TXLNB: variants seen among roughly 807,000 people sequenced by gnomAD.
TXLNB encodes taxilin beta.
Under a neutral mutation model 57.4 loss-of-function variants are expected in TXLNB, and 37 were observed. The ratio of observed to expected loss-of-function variants is 0.64; its 90% confidence interval spans 0.50 to 0.85. TXLNB has a LOEUF of 0.85. Ranked by LOEUF, TXLNB falls within the 40% of genes least tolerant of loss-of-function variation. The pLI, the probability that TXLNB is intolerant of heterozygous loss-of-function variation, is 0.00. For synonymous variants in TXLNB, 302 were observed against 309.6 expected, an observed-to-expected ratio of 0.98 and a Z score of 0.26; for missense variants, 848 against 825.6, an observed-to-expected ratio of 1.03 and a Z score of -0.33.
intron 2 of TXLNB, among the ~76,000 whole-genome samples, chr6:139,286,033 T>C (rs1182578926): frequency 1.3e-5 from 2 of 151,998 alleles, no homozygotes; most frequent in African/African-American, 4.8e-5. Flanking sequence ...AGTGGCCTTG[T>C]CATATTTGTA....
chr6:139,247,202 G>A (rs1359988249), intron 8 of TXLNB, among the ~76,000 whole-genome samples: 1 of 152,064 alleles, frequency 6.6e-6, no homozygotes, highest in Non-Finnish European at 1.5e-5. Context: ...GAGTGCAGTG[G>A]CGTGATCTCA....
intron 2 of TXLNB, among the ~76,000 whole-genome samples, chr6:139,278,219 T>C (rs1776950530): frequency 6.6e-6 from 1 of 152,184 alleles, no homozygotes; most frequent in African/African-American, 2.4e-5. Flanking sequence ...GAGAGAAGGC[T>C]TGAATCCAAG....
At chr6:139,173,555 G>C in the TXLNB span, among the ~76,000 whole-genome samples, 1 of 152,174 alleles carries the variant, frequency 6.6e-6, no homozygotes, top group Non-Finnish European at 1.5e-5. Context: ...AGGATTATGT[G>C]TTCTCCTGAT....
chr6:139,313,747 A>C, the TXLNB span, among the ~76,000 whole-genome samples: 5 of 152,064 alleles, frequency 3.3e-5, no homozygotes, highest in Admixed American at 3.3e-4. Flanking sequence ...ATAAGATTTT[A>C]TTTTTTTCAC....
chr6:139,243,114 G>A lies in TXLNB; in HGVS notation c.1467C>T (p.Asp489=). 1.9e-6 allele frequency: 3 copies of A among 1,614,164 alleles called. No individual in the cohort carries two copies. Among genetic ancestry groups the A allele is most frequent in the South Asian group, 1.1e-5 (1 of 91,074 alleles). ...TTTGGACACTATTAACCTCCTCTGC[G>A]TCAATCTCTTGATCCACAGAGACGT... ...ESNVSVDQEI[D]AEEVNSVQTA... Residue 489 remains aspartate, a synonymous_variant, in exon 10 of 10, where the codon GAC becomes GAT. Transcript: ENST00000358430.
At chr6:139,279,455 C>G (rs953522451) in intron 2 of TXLNB, among the ~76,000 whole-genome samples, 11 of 152,118 alleles carry the variant, frequency 7.2e-5, no homozygotes, top group African/African-American at 2.7e-4. Context: ...ATTTGTAAGT[C>G]TCACAGGAAA....
At chr6:139,260,223 T>G (rs1204263508) in intron 6 of TXLNB, 95 bp downstream of exon 6, 5 of 1,187,262 alleles carry the variant, frequency 4.2e-6, no homozygotes, top group Non-Finnish European at 5.7e-6. Context: ...CTGTCTCAAA[T>G]AAATAAATAA....
the TXLNB span, chr6:139,234,235 G>A: frequency 1.3e-5 from 2 of 152,176 alleles, no homozygotes; most frequent in Non-Finnish European, 2.9e-5. Context: ...ACCCATTTTG[G>A]GGGGAGAAAG....
At chr6:139,230,929 A>G in the TXLNB span, among the ~76,000 whole-genome samples, 1 of 152,162 alleles carries the variant, frequency 6.6e-6, no homozygotes, top group Non-Finnish European at 1.5e-5. Context: ...ACACATACAC[A>G]TTGTAAACTT....
chr6:139,251,127 T>G (rs1345082065), intron 7 of TXLNB, among the ~76,000 whole-genome samples: 9 of 152,240 alleles, frequency 5.9e-5, no homozygotes, highest in Admixed American at 5.9e-4. Context: ...CCAGCTCTTC[T>G]GTGCTTTTTC....
At chr6:139,256,516 G>A (rs943217588) in intron 6 of TXLNB, among the ~76,000 whole-genome samples, 2 of 152,204 alleles carry the variant, frequency 1.3e-5, no homozygotes, top group Non-Finnish European at 2.9e-5. Flanking sequence ...TTTTACTAGA[G>A]ACGGGGTTTT....
At chr6:139,176,778 G>A in the TXLNB span, among the ~76,000 whole-genome samples, 1 of 152,190 alleles carries the variant, frequency 6.6e-6, no homozygotes, top group Non-Finnish European at 1.5e-5. This position sits in a 1 kb window ranked among gnomAD's most constrained non-coding sequence, Gnocchi z 4.5. Context: ...TATCAGGAGA[G>A]AAGTTGGGAG....
chr6:139,222,626 G>A, the TXLNB span, among the ~76,000 whole-genome samples: 1 of 152,110 alleles, frequency 6.6e-6, no homozygotes, highest in African/African-American at 2.4e-5. Flanking sequence ...GGCCAACATG[G>A]CAAAACCTTG....
At chr6:139,227,200 G>A in the TXLNB span, among the ~76,000 whole-genome samples, 1 of 152,084 alleles carries the variant, frequency 6.6e-6, no homozygotes, top group African/African-American at 2.4e-5. Context: ...TTAGCCAGGT[G>A]TGGTGGTGTG....
At chr6:139,269,137 T>C (rs1054508675) in intron 4 of TXLNB, 1 of 152,262 alleles carries the variant, frequency 6.6e-6, no homozygotes. Flanking sequence ...ATTCCCAAGC[T>C]GAAGTGATCC....
the TXLNB span, chr6:139,179,507 A>G: frequency 1.3e-5 from 2 of 152,208 alleles, no homozygotes; most frequent in African/African-American, 2.4e-5. Flanking sequence ...ACTCTTGGAC[A>G]TTATTTCGAT....
chr6:139,238,365 G>A (rs1775859948), downstream of TXLNB, among the ~76,000 whole-genome samples: 1 of 152,150 alleles, frequency 6.6e-6, no homozygotes, highest in African/African-American at 2.4e-5. Flanking sequence ...CTGCACTCCA[G>A]CCTGGGCAAT....
chr6:139,277,192 A>G lies in TXLNB; in HGVS notation c.425-271T>C, dbSNP rs535605616. ...TAACAGAAGTCTCCCAGTTTTCATC[A>G]CAAGAATCCGTTCTTATTTCTCCTC... is the stretch of plus-strand genomic sequence containing the variant. On this transcript the variant is annotated intron_variant, in intron 2 of 9. Coordinates refer to ENST00000358430, the MANE Select transcript of TXLNB (RefSeq NM_153235.4). 7.9e-5 allele frequency: 25 copies of G among 317,200 alleles called. No individual in the cohort carries two copies. The East Asian group carries it at 1.4e-3, about 18-fold the overall frequency. The allele number at this position is 317,200 out of a possible 1,614,324, so 19.6% of individuals were successfully genotyped here.
the TXLNB span, among the ~76,000 whole-genome samples, chr6:139,195,702 G>T: frequency 2.0e-5 from 3 of 152,186 alleles, no homozygotes; most frequent in African/African-American, 7.2e-5. Context: ...GATCAGAAAT[G>T]ATAAACTTCA....
Sources: gnomAD v4.1 joint callset for allele counts (sites outside exome capture counted in the v4.1 genomes callset) on GRCh38, gnomAD v4.1.1 for gene constraint, Gnocchi (gnomAD v3.1) non-coding constraint, MANE v1.5 for transcripts, NCBI Gene and HGNC (gene_info 2026-07-23, HGNC 2026-07-21) for gene names.